Variants in MRPL22 observed in about 807,000 individuals in gnomAD.
MRPL22 encodes the protein mitochondrial ribosomal protein L22.
A neutral mutation model predicts 32.4 loss-of-function variants in MRPL22; 27 were observed. The ratio of observed to expected loss-of-function variants is 0.83; its 90% CI spans 0.61 to 1.15. MRPL22 has a LOEUF of 1.15. MRPL22 is among the 50% of genes most tolerant of loss of function. MRPL22 has a pLI of 0.00. For synonymous variants in MRPL22, 86 were observed against 87.3 expected (o/e 0.99, Z 0.08); for missense variants, 239 against 260.2 (o/e 0.92, Z 0.56).
At chr5:154,955,827 A>G (rs1764622190) in intron 3 of MRPL22, 1 of 152,538 alleles carries the variant, frequency 6.6e-6, no homozygotes, top group Non-Finnish European at 1.5e-5. Flanking sequence ...ATTTTACAGA[A>G]GAGGAAAATT....
chr5:154,959,748 G>A (rs1045668813), intron 5 of MRPL22, among the ~76,000 whole-genome samples: 7 of 152,136 alleles, frequency 4.6e-5, no homozygotes, highest in African/African-American at 7.2e-5. Flanking sequence ...GCTTACACAT[G>A]TCATTTAAAA....
rs574015114 is a variant in MRPL22, at chr5:154,967,237, G to A, written c.*340G>A. The A allele has an allele frequency of 5.8e-4, 131 of 224,774 alleles. 1 individual carries two copies. The highest frequency in any genetic ancestry group is 2.6e-3 in the African/African-American group (113 of 43,372). 13.9% of individuals were successfully genotyped at this position (224,774 alleles called of 1,614,324 possible). ...ACTGGACTTGAATACAGTGTTATGAGGTAAGAAAATTGCTTTTATTTCACT... is the reference window on the plus strand; with the variant it reads ...ACTGGACTTGAATACAGTGTTATGAAGTAAGAAAATTGCTTTTATTTCACT... On this transcript the variant is annotated 3_prime_UTR_variant, in exon 7 of 7. Transcript: ENST00000523037. This position sits in a 1 kb window ranked among gnomAD's most constrained non-coding sequence, Gnocchi z 4.7.
intron 2 of MRPL22, among the ~76,000 whole-genome samples, chr5:154,943,695 GAC>G: frequency 6.8e-6 from 1 of 146,548 alleles, no homozygotes; most frequent in African/African-American, 2.5e-5. Flanking sequence ...TTTTTTTAAA[GAC>G]AGCGTTTTGC....
intron 5 of MRPL22, among the ~76,000 whole-genome samples, chr5:154,959,536 G>T (rs1764674813): frequency 6.6e-6 from 1 of 151,580 alleles, no homozygotes; most frequent in Admixed American, 6.6e-5. Context: ...TAGAGGCGGG[G>T]TTTTGACATG....
chr5:154,951,046 T>C, intron 3 of MRPL22, 108 bp downstream of exon 3: 1 of 714,006 alleles, frequency 1.4e-6, no homozygotes, highest in Non-Finnish European at 2.4e-6. Flanking sequence ...AACCATTCAC[T>C]CTAATTGACA....
In MRPL22 at chr5:154,968,227, G is replaced by A. The variant is rs1031945029; in HGVS notation, c.*1330G>A. ...CTGCATACCTTTTGAGTATACAGCT[G>A]GGTTTTTGTGTCTCTCCAGTTAACC... On this transcript the variant is annotated 3_prime_UTR_variant, in exon 7 of 7. Coordinates refer to ENST00000523037, the MANE Select transcript of MRPL22 (RefSeq NM_014180.4). 2.0e-5 allele frequency: 3 copies of A among 152,170 alleles called. No homozygotes were observed. The highest frequency in any genetic ancestry group is 4.8e-5 in the African/African-American group (2 of 41,438). 9.4% of individuals were successfully genotyped at this position (152,170 alleles called of 1,614,324 possible).
intron 3 of MRPL22, among the ~76,000 whole-genome samples, chr5:154,952,422 AT>A (rs1285585597): frequency 6.6e-6 from 1 of 152,192 alleles, no homozygotes; most frequent in Non-Finnish European, 1.5e-5. Flanking sequence ...TAATGAAACT[AT>A]TTTGATTAAC....
At position 154,941,283 on chromosome 5, in the gene MRPL22, G is replaced by A; in HGVS notation, c.77+18G>A. The A allele has an allele frequency of 6.2e-7, 1 of 1,612,630 alleles. No individual in the cohort carries two copies. Among genetic ancestry groups the A allele is most frequent in the Non-Finnish European group, 8.5e-7 (1 of 1,179,994 alleles). On this transcript the variant is annotated intron_variant, in intron 2 of 6. Coordinates refer to ENST00000523037, the MANE Select transcript of MRPL22 (RefSeq NM_014180.4). ...GCCTTGGGGTGAGTCTCTCGCTTCGGAGTTTCGGAAGGGCCCAAGGCATCT... is the reference window on the plus strand; with the variant it reads ...GCCTTGGGGTGAGTCTCTCGCTTCGAAGTTTCGGAAGGGCCCAAGGCATCT...
chr5:154,943,399 C>G lies in MRPL22; in HGVS notation c.77+2134C>G, dbSNP rs980533111. Among the ~76,000 whole-genome samples the G allele has an allele frequency of 7.9e-5, 12 of 151,872 alleles. No individual in the cohort carries two copies. The South Asian group carries it at 1.2e-3, about 16-fold the overall frequency. On this transcript the variant is annotated intron_variant, in intron 2 of 6. Transcript: ENST00000523037. ...ATTACAGGCATGAGCCGCCAGGAAA[C>G]TTAATTGCATATAGGCCCCAGACTA...
intron 3 of MRPL22, 52 bp from the exon 4 acceptor site, chr5:154,956,319 G>T: frequency 7.8e-7 from 1 of 1,286,220 alleles, no homozygotes; most frequent in Non-Finnish European, 1.1e-6. Context: ...TTGTCATTTT[G>T]TGGTAAACCT....
intron 2 of MRPL22, among the ~76,000 whole-genome samples, chr5:154,943,002 A>G (rs2113529540): frequency 6.6e-6 from 1 of 152,364 alleles, no homozygotes; most frequent in Non-Finnish European, 1.5e-5. Context: ...AAGTTATTAC[A>G]TAATTTTGTG....
At chr5:154,953,287 A>G (rs113497568) in intron 3 of MRPL22, among the ~76,000 whole-genome samples, 23,946 of 145,722 alleles carry the variant, frequency 0.16, 2,494 homozygotes, top group African/African-American at 0.3. Flanking sequence ...CCTGGGAGGC[A>G]GAGGTTGCAG....
chr5:154,944,575 G>T (rs560287386), intron 2 of MRPL22, among the ~76,000 whole-genome samples: 7 of 152,272 alleles, frequency 4.6e-5, no homozygotes, highest in Admixed American at 2.6e-4. Context: ...CTAGCACTGA[G>T]GATTTTGCAG....
intron 3 of MRPL22, chr5:154,955,531 A>G (rs899314410): frequency 2.0e-5 from 3 of 152,194 alleles, no homozygotes; most frequent in Non-Finnish European, 4.4e-5. Context: ...TTGAATTCCA[A>G]CTTTGTCTCT....
At chr5:154,941,803 G>C (rs1014634325) in intron 2 of MRPL22, among the ~76,000 whole-genome samples, 1 of 152,184 alleles carries the variant, frequency 6.6e-6, no homozygotes, top group African/African-American at 2.4e-5. Flanking sequence ...TTATACCAGA[G>C]CATTCTGTAG....
intron 6 of MRPL22, among the ~76,000 whole-genome samples, chr5:154,963,901 A>G (rs1764733663): frequency 6.6e-6 from 1 of 152,196 alleles, no homozygotes; most frequent in South Asian, 2.1e-4. Flanking sequence ...GGAGAAGAGC[A>G]GATTTTTAAA....
At position 154,959,974 on chromosome 5, in the gene MRPL22, T is replaced by C. The variant is rs977191753; in HGVS notation, c.340-6T>C. ...CGTATAAATGCTTTTCTTTTTCTTA[T>C]TTAAGGTTCTCTTAGAAGCACAAGA... On this transcript the variant is annotated splice_polypyrimidine_tract_variant and splice_region_variant and intron_variant, in intron 5 of 6. Coordinates refer to ENST00000523037, the MANE Select transcript of MRPL22 (RefSeq NM_014180.4). The C allele has an allele frequency of 1.2e-6, 2 of 1,606,922 alleles. No homozygotes were observed. The highest frequency in any genetic ancestry group is 1.1e-5 in the South Asian group (1 of 89,664).
intron 2 of MRPL22, among the ~76,000 whole-genome samples, chr5:154,945,063 G>C (rs991052344): frequency 6.6e-6 from 1 of 152,164 alleles, no homozygotes; most frequent in Non-Finnish European, 1.5e-5. Flanking sequence ...TTTGAGCATG[G>C]AGTTATATGA....
In MRPL22 at chr5:154,953,344, C is replaced by T. The variant is rs145063470; in HGVS notation, c.195+2406C>T. Among the ~76,000 whole-genome samples, 697 of 114,822 alleles carry T rather than the reference C, an allele frequency of 6.1e-3. 5 individuals are homozygous for T. The highest frequency in any genetic ancestry group is 0.022 in the African/African-American group (653 of 29,744). The allele number at this position is 114,822 out of a possible 152,430, so 75.3% of individuals were successfully genotyped here. A position where few individuals can be genotyped will look rare whatever the true frequency, so the allele number is the denominator to read the frequency against. On this transcript the variant is annotated intron_variant, in intron 3 of 6. Transcript: ENST00000523037. ...CACTACTTCAGCCTGGGTGACAGAG[C>T]GAGACTCCGTCTCAGGAGAAAAAAA...
Sources: allele counts gnomAD v4.1 joint callset (sites outside exome capture counted in the v4.1 genomes callset), GRCh38; gene constraint gnomAD v4.1.1; non-coding constraint Gnocchi (gnomAD v3.1); transcripts MANE v1.5; gene names NCBI Gene and HGNC (gene_info 2026-07-23, HGNC 2026-07-21).